The following RREB1 variants were observed in gnomAD, a reference collection of about 807,000 sequenced individuals.
RREB1 encodes the protein ras-responsive element-binding protein 1.
RREB1 carries 27 observed loss-of-function variants against 117.8 expected under a neutral mutation model. The ratio of observed to expected loss-of-function variants is 0.23; its 90% CI spans 0.17 to 0.32. RREB1 has a LOEUF of 0.32. Among genes scored for constraint, RREB1 ranks in the 10% least tolerant of loss-of-function variants. The probability of loss-of-function intolerance (pLI) is 1.00; values close to 1 mark genes in which losing one functional copy is unlikely to be tolerated. For missense variants in RREB1, 2,577 were observed against 2,378.2 expected, an observed-to-expected ratio of 1.08 and a Z score of -1.74; for synonymous variants, 1,298 against 1,026.7, an observed-to-expected ratio of 1.26 and a Z score of -5.05.
At chr6:7,151,568 A>G (rs1338086238) in intron 1 of RREB1, among the ~76,000 whole-genome samples, 1 of 152,158 alleles carries the variant, frequency 6.6e-6, no homozygotes, top group African/African-American at 2.4e-5. Context: ...ACATCTGCAT[A>G]GATGTTGCAC....
At chr6:7,245,562 C>T (rs562908805) in intron 11 of RREB1, among the ~76,000 whole-genome samples, 7 of 152,268 alleles carry the variant, frequency 4.6e-5, no homozygotes, top group Admixed American at 1.3e-4. Flanking sequence ...ATATTGCAGC[C>T]GTGCCATCCC....
intron 8 of RREB1, among the ~76,000 whole-genome samples, chr6:7,221,294 G>A (rs906028087): frequency 5.3e-5 from 8 of 151,718 alleles, no homozygotes; most frequent in African/African-American, 1.9e-4. Flanking sequence ...TCAGCCTCCC[G>A]AGTAGCTGGG....
In RREB1 at chr6:7,187,532, C is replaced by T. The variant is rs774338326; in HGVS notation, c.261+9C>T. ...CCATGCACATTCGCCAGGTAGATTC[C>T]CACTGTTCTTTTATTTTATTTTATT... On this transcript the variant is annotated intron_variant, in intron 5 of 12. Coordinates refer to ENST00000379938, the MANE Select transcript of RREB1 (RefSeq NM_001003699.4). 2.4e-6 allele frequency: 3 copies of T among 1,266,998 alleles called. No individual in the cohort carries two copies. The highest frequency in any genetic ancestry group is 3.1e-6 in the Non-Finnish European group (3 of 954,554). The allele number at this position is 1,266,998 out of a possible 1,614,324, so 78.5% of individuals were successfully genotyped here. A position where few individuals can be genotyped will look rare whatever the true frequency, so the allele number is the denominator to read the frequency against.
intron 2 of RREB1, among the ~76,000 whole-genome samples, chr6:7,180,685 TTTC>T (rs1410778237): frequency 6.6e-6 from 1 of 152,208 alleles, no homozygotes; most frequent in Non-Finnish European, 1.5e-5. Context: ...TGTCGCCAGG[TTTC>T]TTTTAGGTCT....
intron 2 of RREB1, among the ~76,000 whole-genome samples, chr6:7,176,988 G>A (rs944997906): frequency 1.4e-4 from 21 of 151,880 alleles, no homozygotes; most frequent in African/African-American, 3.9e-4. Context: ...AGGCTGAGGC[G>A]GACAGATCAC....
chr6:7,192,928 A>T (rs1381377891), intron 6 of RREB1, among the ~76,000 whole-genome samples: 1 of 152,080 alleles, frequency 6.6e-6, no homozygotes, highest in East Asian at 1.9e-4. Context: ...ATAGCTATCC[A>T]TTTTCGTATA....
At chr6:7,145,822 C>T (rs1762828458) in intron 1 of RREB1, among the ~76,000 whole-genome samples, 1 of 151,288 alleles carries the variant, frequency 6.6e-6, no homozygotes, top group African/African-American at 2.4e-5. Flanking sequence ...TTCTTTGGGA[C>T]TTTTCTCTGC....
At chr6:7,146,528 G>A (rs1183818410) in intron 1 of RREB1, among the ~76,000 whole-genome samples, 2 of 152,184 alleles carry the variant, frequency 1.3e-5, no homozygotes, top group African/African-American at 2.4e-5. Flanking sequence ...CTCTGACTTA[G>A]GGGACGTCTT....
At chr6:7,220,137 G>A (rs771577791) in intron 8 of RREB1, among the ~76,000 whole-genome samples, 4 of 152,188 alleles carry the variant, frequency 2.6e-5, no homozygotes, top group African/African-American at 9.7e-5. Context: ...AGCGACTGGC[G>A]TGTCATACAG....
At chr6:7,217,020 G>A (rs1766940583) in intron 8 of RREB1, 1 of 152,474 alleles carries the variant, frequency 6.6e-6, no homozygotes, top group African/African-American at 2.4e-5. Context: ...TTGGGTTGCT[G>A]TGTGCAGCCT....
At chr6:7,140,351 C>T (rs1391306425) in intron 1 of RREB1, among the ~76,000 whole-genome samples, 3 of 152,266 alleles carry the variant, frequency 2.0e-5, no homozygotes, top group Admixed American at 1.3e-4. Context: ...ATTCTTAAGA[C>T]TCCTTTGAAT....
At chr6:7,116,108 C>T (rs778845935) in intron 1 of RREB1, among the ~76,000 whole-genome samples, 10 of 152,224 alleles carry the variant, frequency 6.6e-5, no homozygotes, top group African/African-American at 1.7e-4. Flanking sequence ...TAAAGCCGTG[C>T]GTGGTGTTTG....
chr6:7,228,277 GC>G (rs1005887345), intron 9 of RREB1, among the ~76,000 whole-genome samples: 2 of 151,958 alleles, frequency 1.3e-5, no homozygotes, highest in African/African-American at 4.8e-5. Flanking sequence ...GGGTAGGGTA[GC>G]TGATTCTCCA....
intron 5 of RREB1, among the ~76,000 whole-genome samples, chr6:7,188,225 A>ATGTGTGTG (rs1765190705): frequency 2.0e-5 from 1 of 49,876 alleles, no homozygotes; most frequent in South Asian, 6.5e-4. Flanking sequence ...TCCCCCCCAC[A>ATGTGTGTG]CGTGTGTGTG....
At chr6:7,182,191 C>T (rs943388017) in intron 4 of RREB1, 109 bp downstream of exon 4, 35 of 1,027,278 alleles carry the variant, frequency 3.4e-5, no homozygotes, top group Middle Eastern at 3.1e-4. Context: ...GGGAATAAAA[C>T]GGACATACCC....
chr6:7,227,455 C>A (rs919050570), intron 9 of RREB1, among the ~76,000 whole-genome samples: 4 of 151,964 alleles, frequency 2.6e-5, no homozygotes, highest in Non-Finnish European at 5.9e-5. Flanking sequence ...GCAGAAGAAT[C>A]GCTTGAACCC....
chr6:7,233,387 T>G (rs1052523559), intron 10 of RREB1, among the ~76,000 whole-genome samples: 1 of 152,232 alleles, frequency 6.6e-6, no homozygotes, highest in Non-Finnish European at 1.5e-5. Context: ...ATTTGTGTTA[T>G]TGAACTAAGC....
rs1769310789 is a variant in RREB1, at chr6:7,249,317, TTTGTA to T, written c.*353_*357del. 4.1e-6 allele frequency: 1 copy of T among 243,258 alleles called. No homozygotes were observed. Among genetic ancestry groups the T allele is most frequent in the Non-Finnish European group, 7.9e-6 (1 of 126,046 alleles). The allele number at this position is 243,258 out of a possible 1,614,324, so 15.1% of individuals were successfully genotyped here. Reference sequence around the variant, plus strand: ...CTCTTCATTTGAGCATTAGCGTTATTTTGTATTGGTGTGTGTGAGCTTGTTCTTGT... The same window carrying T: ...CTCTTCATTTGAGCATTAGCGTTATTTTGGTGTGTGTGAGCTTGTTCTTGT... On this transcript the variant is annotated 3_prime_UTR_variant, in exon 13 of 13. Transcript: ENST00000379938.
intron 1 of RREB1, among the ~76,000 whole-genome samples, chr6:7,164,701 G>T (rs910948302): frequency 2.0e-5 from 3 of 152,212 alleles, no homozygotes; most frequent in Non-Finnish European, 4.4e-5. Context: ...GCAGATGGAA[G>T]TGCTTTTGAG....
Sources: gnomAD v4.1 joint callset for allele counts (sites outside exome capture counted in the v4.1 genomes callset) on GRCh38, gnomAD v4.1.1 for gene constraint, MANE v1.5 for transcripts, NCBI Gene and HGNC (gene_info 2026-07-23, HGNC 2026-07-21) for gene names.